APBB1IP: variants seen among roughly 807,000 people sequenced by gnomAD.
APBB1IP encodes the protein amyloid beta A4 precursor protein-binding family B member 1-interacting protein.
In APBB1IP, 27 loss-of-function variants were observed where a neutral mutation model predicts 64.9. That is an observed-to-expected ratio of 0.42 (90% CI 0.31 to 0.57). APBB1IP has a LOEUF of 0.57. APBB1IP is among the 20% of genes least tolerant of loss of function. The pLI is 0.20. For missense variants in APBB1IP, 812 were observed against 845.5 expected (o/e 0.96, Z 0.49); for synonymous variants, 392 against 331.0 (o/e 1.18, Z -2.00).
chr10:26,442,386 A>G (rs1835347279), intron 2 of APBB1IP, among the ~76,000 whole-genome samples: 1 of 152,224 alleles, frequency 6.6e-6, no homozygotes, highest in Admixed American at 6.5e-5. Flanking sequence ...TAGGTTGATT[A>G]AATCAACAAG....
At chr10:26,454,498 T>C (rs1835500214) in intron 2 of APBB1IP, among the ~76,000 whole-genome samples, 1 of 150,930 alleles carries the variant, frequency 6.6e-6, no homozygotes, top group African/African-American at 2.4e-5. Flanking sequence ...AAAAAATAAA[T>C]AAATAAAAAA....
intron 8 of APBB1IP, among the ~76,000 whole-genome samples, chr10:26,524,191 C>T (rs1030244649): frequency 6.6e-6 from 1 of 152,080 alleles, no homozygotes; most frequent in South Asian, 2.1e-4. Flanking sequence ...AAGCAAGCCA[C>T]GAAACCTAGA....
chr10:26,560,806 G>A lies in APBB1IP; in HGVS notation c.1331G>A (p.Gly444Glu), dbSNP rs1305783086. 1 of 1,598,732 alleles carries A rather than the reference G, an allele frequency of 6.3e-7. No individual in the cohort carries two copies. Among genetic ancestry groups the A allele is most frequent in the East Asian group, 2.2e-5 (1 of 44,480 alleles). Reference protein sequence around the residue: ...AGLASRWTNLGTVNAAAPAQP... With the variant: ...AGLASRWTNLETVNAAAPAQP... ...CTTGCCTCTCGGTGGACAAACTTGG[G>A]GACAGTCAATGCAGCTGCACCAGCT... The change falls in exon 13 of 15, where the codon GGG (glycine) becomes GAG (glutamate). Residue 444 changes from glycine to glutamate, a missense_variant. Around this residue, in one of 3 missense-constraint regions of APBB1IP, gnomAD observed 381 missense variants for 352.1 expected, o/e 1.08. Transcript: ENST00000376236.
At chr10:26,525,503 A>G (rs1350971381) in intron 8 of APBB1IP, among the ~76,000 whole-genome samples, 2 of 152,054 alleles carry the variant, frequency 1.3e-5, no homozygotes, top group East Asian at 3.9e-4. Flanking sequence ...TCCCCTACAG[A>G]GACTCTCTTG....
At chr10:26,492,014 G>A (rs569484127) in intron 2 of APBB1IP, among the ~76,000 whole-genome samples, 144 of 152,140 alleles carry the variant, frequency 9.5e-4, no homozygotes, top group Non-Finnish European at 1.7e-3. Flanking sequence ...TGCCTGTCTC[G>A]GCTTCCCCTA....
intron 6 of APBB1IP, among the ~76,000 whole-genome samples, chr10:26,507,424 G>C (rs1836196378): frequency 6.6e-6 from 1 of 152,190 alleles, no homozygotes; most frequent in South Asian, 2.1e-4. Flanking sequence ...TTGACCCCGG[G>C]AATTCAAGGT....
At chr10:26,514,857 A>G (rs909760076) in intron 8 of APBB1IP, among the ~76,000 whole-genome samples, 3 of 151,624 alleles carry the variant, frequency 2.0e-5, no homozygotes, top group African/African-American at 7.3e-5. Flanking sequence ...CTTCAATGCC[A>G]TGCTTTTTTC....
At chr10:26,523,728 G>C (rs1836433919) in intron 8 of APBB1IP, among the ~76,000 whole-genome samples, 1 of 152,056 alleles carries the variant, frequency 6.6e-6, no homozygotes, top group Non-Finnish European at 1.5e-5. Context: ...CAGCATTTTG[G>C]GAGGCCAAGG....
At chr10:26,461,896 A>G (rs1476970685) in intron 2 of APBB1IP, among the ~76,000 whole-genome samples, 2 of 152,332 alleles carry the variant, frequency 1.3e-5, no homozygotes, top group Non-Finnish European at 2.9e-5. Flanking sequence ...ATATAGGAAC[A>G]CTACTGATGT....
chr10:26,515,730 C>T (rs1225024585), intron 8 of APBB1IP, among the ~76,000 whole-genome samples: 1 of 152,150 alleles, frequency 6.6e-6, no homozygotes, highest in African/African-American at 2.4e-5. Context: ...CCGGAGATTA[C>T]CTCCATACCC....
intron 2 of APBB1IP, among the ~76,000 whole-genome samples, chr10:26,477,263 T>C (rs1835786944): frequency 1.3e-5 from 2 of 152,234 alleles, no homozygotes; most frequent in African/African-American, 4.8e-5. Flanking sequence ...CATGGTCCCA[T>C]TATTGATAAT....
intron 10 of APBB1IP, among the ~76,000 whole-genome samples, chr10:26,537,538 A>G (rs1836640701): frequency 6.6e-6 from 1 of 152,194 alleles, no homozygotes; most frequent in South Asian, 2.1e-4. Context: ...TGACCCACAA[A>G]TAATTTGTTT....
chr10:26,460,754 A>G (rs558844383), intron 2 of APBB1IP, among the ~76,000 whole-genome samples: 1 of 152,174 alleles, frequency 6.6e-6, no homozygotes, highest in Non-Finnish European at 1.5e-5. Flanking sequence ...GAATGATGAG[A>G]ACACATGGAC....
intron 11 of APBB1IP, among the ~76,000 whole-genome samples, chr10:26,555,130 T>C (rs1836879599): frequency 6.6e-6 from 1 of 152,156 alleles, no homozygotes; most frequent in Admixed American, 6.5e-5. Flanking sequence ...ATGAGCAAGT[T>C]CTTCTATTTC....
chr10:26,513,744 CAG>C lies in APBB1IP; in HGVS notation c.813+85_813+86del, dbSNP rs1836290430. The C allele has an allele frequency of 6.8e-6, 10 of 1,474,636 alleles. No homozygotes were observed. In the East Asian group the frequency reaches 2.4e-4, roughly 35 times the overall value. 91.3% of individuals were successfully genotyped at this position (1,474,636 alleles called of 1,614,324 possible). A position where few individuals can be genotyped will look rare whatever the true frequency, so the allele number is the denominator to read the frequency against. Reference sequence around the variant, plus strand: ...GAGACGGAGTCTCAAAGGCTGGAGACAGGGTCTGAAAGGCTGGAGACGGAGTC... The same window carrying C: ...GAGACGGAGTCTCAAAGGCTGGAGACGGTCTGAAAGGCTGGAGACGGAGTC... On this transcript the variant is annotated intron_variant, in intron 8 of 14. Transcript: ENST00000376236.
chr10:26,558,584 C>A (rs1383413104), intron 11 of APBB1IP, among the ~76,000 whole-genome samples: 4 of 149,380 alleles, frequency 2.7e-5, no homozygotes, highest in African/African-American at 4.9e-5. Flanking sequence ...GTTTCAGCAC[C>A]AGACTGGGAA....
At chr10:26,454,444 C>CCACT (rs1464931037) in intron 2 of APBB1IP, among the ~76,000 whole-genome samples, 1 of 151,912 alleles carries the variant, frequency 6.6e-6, no homozygotes, top group Non-Finnish European at 1.5e-5. Flanking sequence ...TGAGATCGTG[C>CCACT]CACTGCACTC....
At chr10:26,547,026 A>G (rs1188514623) in intron 11 of APBB1IP, among the ~76,000 whole-genome samples, 2 of 152,150 alleles carry the variant, frequency 1.3e-5, no homozygotes, top group Admixed American at 6.5e-5. Flanking sequence ...GGTGCATAAG[A>G]GTTCTTGTTT....
intron 8 of APBB1IP, among the ~76,000 whole-genome samples, chr10:26,518,165 G>C (rs990781694): frequency 6.6e-5 from 10 of 152,064 alleles, no homozygotes; most frequent in Non-Finnish European, 4.4e-5. Context: ...ATGTTGGCCA[G>C]ACTGGTCTTG....
Sources: gnomAD v4.1 joint callset for allele counts (sites outside exome capture counted in the v4.1 genomes callset) on GRCh38, gnomAD v4.1.1 for gene constraint, gnomAD v4.1.1 regional missense constraint, MANE v1.5 for transcripts, NCBI Gene and HGNC (gene_info 2026-07-23, HGNC 2026-07-21) for gene names.